ZNF423: variants seen among roughly 807,000 people sequenced by gnomAD.
ZNF423 encodes the protein Ebf-associated zinc finger protein.
Under a neutral mutation model 95.8 loss-of-function variants are expected in ZNF423, and 12 were observed. The observed-to-expected ratio is 0.13, with a 90% CI of 0.08 to 0.20. The LOEUF is 0.20. Among genes scored for constraint, ZNF423 ranks in the 10% least tolerant of loss-of-function variants. The probability of loss-of-function intolerance (pLI) is 1.00; values close to 1 mark genes in which losing one functional copy is unlikely to be tolerated. For synonymous variants in ZNF423, 749 were observed against 711.9 expected, an observed-to-expected ratio of 1.05 and a Z score of -0.83; for missense variants, 1,316 against 1,737.1, an observed-to-expected ratio of 0.76 and a Z score of 4.31.
At chr16:49,614,810 A>C (rs1200082682) in intron 5 of ZNF423, among the ~76,000 whole-genome samples, 3 of 152,240 alleles carry the variant, frequency 2.0e-5, no homozygotes, top group Non-Finnish European at 4.4e-5. Context: ...TTAAAGGACA[A>C]ATAAAAGCCC....
At chr16:49,729,846 G>A (rs1327197772) in intron 3 of ZNF423, among the ~76,000 whole-genome samples, 1 of 152,066 alleles carries the variant, frequency 6.6e-6, no homozygotes, top group East Asian at 1.9e-4. Flanking sequence ...AGAGCTTTGG[G>A]TGCCAATCTA....
chr16:49,809,894 G>C (rs1567353329), intron 1 of ZNF423, among the ~76,000 whole-genome samples: 1 of 152,140 alleles, frequency 6.6e-6, no homozygotes, highest in South Asian at 2.1e-4. Context: ...ATGAGAGTGA[G>C]AGCTCGCCCA....
At chr16:49,752,304 C>T (rs979062925) in intron 2 of ZNF423, among the ~76,000 whole-genome samples, 2 of 152,344 alleles carry the variant, frequency 1.3e-5, no homozygotes, top group South Asian at 4.1e-4. Flanking sequence ...CCCTCCCCCA[C>T]CCCACATGGC....
At chr16:49,848,122 A>T (rs887756818) in intron 1 of ZNF423, among the ~76,000 whole-genome samples, 1 of 152,142 alleles carries the variant, frequency 6.6e-6, no homozygotes, top group East Asian at 1.9e-4. Flanking sequence ...GGAAAAAAAA[A>T]TGGTTAAGAT....
chr16:49,771,596 T>G (rs1333897140), intron 2 of ZNF423, among the ~76,000 whole-genome samples: 1 of 152,200 alleles, frequency 6.6e-6, no homozygotes, highest in Non-Finnish European at 1.5e-5. Flanking sequence ...TCCCCCATAC[T>G]GTTCTCATGG....
At chr16:49,679,558 C>T (rs996694205) in intron 3 of ZNF423, among the ~76,000 whole-genome samples, 7 of 152,260 alleles carry the variant, frequency 4.6e-5, no homozygotes, top group Admixed American at 1.3e-4. Context: ...GACATGCCAG[C>T]CCCCTGCCAC....
At chr16:49,834,036 C>T (rs2035090458) in intron 1 of ZNF423, among the ~76,000 whole-genome samples, 1 of 152,208 alleles carries the variant, frequency 6.6e-6, no homozygotes, top group Non-Finnish European at 1.5e-5. Flanking sequence ...GGGACCCAGC[C>T]AACACCCGAG....
intron 1 of ZNF423, among the ~76,000 whole-genome samples, chr16:49,853,319 T>C (rs2035322358): frequency 6.6e-6 from 1 of 151,778 alleles, no homozygotes; most frequent in South Asian, 2.1e-4. Context: ...GAGCAGTTCT[T>C]GAAAAGCAAT....
chr16:49,808,116 C>T (rs2034694317), intron 1 of ZNF423, among the ~76,000 whole-genome samples: 2 of 151,820 alleles, frequency 1.3e-5, no homozygotes, highest in Admixed American at 1.3e-4. Context: ...GGCTGGAGTG[C>T]AGTGGCTGCA....
At chr16:49,608,881 G>C (rs1237088862) in intron 5 of ZNF423, among the ~76,000 whole-genome samples, 1 of 152,118 alleles carries the variant, frequency 6.6e-6, no homozygotes, top group African/African-American at 2.4e-5. Flanking sequence ...TGCTGGCAAG[G>C]CTTATATAAT....
intron 5 of ZNF423, among the ~76,000 whole-genome samples, chr16:49,595,427 A>C (rs1368290158): frequency 6.6e-6 from 1 of 152,224 alleles, no homozygotes; most frequent in Non-Finnish European, 1.5e-5. Context: ...ACTCACTAGC[A>C]TCTTCCTGCC....
At chr16:49,849,905 G>A (rs373100209) in intron 1 of ZNF423, among the ~76,000 whole-genome samples, 3 of 152,290 alleles carry the variant, frequency 2.0e-5, no homozygotes, top group African/African-American at 4.8e-5. Context: ...AGGCCGTCCC[G>A]CTGTCAGCGA....
intron 1 of ZNF423, among the ~76,000 whole-genome samples, chr16:49,808,146 C>G (rs2034695012): frequency 6.6e-6 from 1 of 152,008 alleles, no homozygotes; most frequent in Non-Finnish European, 1.5e-5. Flanking sequence ...AGTGCAGCTT[C>G]GAGCTCCTGG....
At chr16:49,771,710 C>G (rs536767151) in intron 2 of ZNF423, among the ~76,000 whole-genome samples, 1 of 152,320 alleles carries the variant, frequency 6.6e-6, no homozygotes, top group African/African-American at 2.4e-5. Flanking sequence ...CGTGCCTTTG[C>G]TCTTCCTTTG....
At chr16:49,516,934 A>G (rs1301878366) in intron 7 of ZNF423, among the ~76,000 whole-genome samples, 1 of 152,160 alleles carries the variant, frequency 6.6e-6, no homozygotes, top group Non-Finnish European at 1.5e-5. Context: ...TGTGTCACCA[A>G]TCCTCACACT....
At chr16:49,593,373 T>A (rs1048155284) in intron 5 of ZNF423, among the ~76,000 whole-genome samples, 1 of 151,952 alleles carries the variant, frequency 6.6e-6, no homozygotes, top group Non-Finnish European at 1.5e-5. Flanking sequence ...AGGTCAAGGC[T>A]GCAGTGAGCT....
intron 2 of ZNF423, among the ~76,000 whole-genome samples, chr16:49,754,065 A>T (rs1207704039): frequency 6.7e-6 from 1 of 149,278 alleles, no homozygotes; most frequent in Non-Finnish European, 1.5e-5. Context: ...TAAAAGGTGG[A>T]GGAAGAATAG....
intron 5 of ZNF423, among the ~76,000 whole-genome samples, chr16:49,565,214 C>T (rs185753314): frequency 6.6e-6 from 1 of 152,294 alleles, no homozygotes; most frequent in Non-Finnish European, 1.5e-5. Context: ...CAGTGCAAAC[C>T]CACACTTCGG....
intron 4 of ZNF423, among the ~76,000 whole-genome samples, chr16:49,634,649 G>C (rs137999822): frequency 6.6e-6 from 1 of 152,186 alleles, no homozygotes; most frequent in Non-Finnish European, 1.5e-5. Context: ...CCTGCCAATG[G>C]TGCCAGCAGC....
Sources: gnomAD v4.1 joint callset for allele counts (sites outside exome capture counted in the v4.1 genomes callset) on GRCh38, gnomAD v4.1.1 for gene constraint, MANE v1.5 for transcripts, NCBI Gene and HGNC (gene_info 2026-07-23, HGNC 2026-07-21) for gene names.